Variants in MYT1L observed in about 807,000 individuals in gnomAD.
The protein encoded by MYT1L is myelin transcription factor 1-like protein.
In MYT1L, 12 loss-of-function variants were observed where a neutral mutation model predicts 126.7. The observed-to-expected ratio is 0.09, with a 90% confidence interval of 0.06 to 0.15. The LOEUF (loss-of-function observed/expected upper bound fraction) is 0.15, where lower values mean the gene tolerates loss of function less well. MYT1L is among the 10% of genes least tolerant of loss of function. The probability of loss-of-function intolerance (pLI) is 1.00; values close to 1 mark genes in which losing one functional copy is unlikely to be tolerated. For missense variants in MYT1L, 979 were observed against 1,585.2 expected, an observed-to-expected ratio of 0.62 and a Z score of 6.49; for synonymous variants, 541 against 604.2, an observed-to-expected ratio of 0.90 and a Z score of 1.53.
chr2:1,838,488 T>C (rs897275710), intron 21 of MYT1L, among the ~76,000 whole-genome samples: 6 of 152,092 alleles, frequency 3.9e-5, no homozygotes, highest in African/African-American at 1.2e-4. Flanking sequence ...ACATCGTACA[T>C]GTGATGTGTG....
chr2:2,065,842 A>ACACG (rs1419644939), intron 3 of MYT1L, among the ~76,000 whole-genome samples: 13 of 136,306 alleles, frequency 9.5e-5, no homozygotes, highest in Non-Finnish European at 1.8e-4. Context: ...ACACACACAC[A>ACACG]CACACGCACA....
At chr2:2,172,531 G>A (rs1219771529) in intron 3 of MYT1L, among the ~76,000 whole-genome samples, 2 of 152,268 alleles carry the variant, frequency 1.3e-5, no homozygotes, top group Admixed American at 6.5e-5. Context: ...GCACCAGGCA[G>A]CTAAGATGAA....
chr2:1,795,085 C>T (rs2033164483), intron 23 of MYT1L, among the ~76,000 whole-genome samples: 1 of 152,238 alleles, frequency 6.6e-6, no homozygotes, highest in African/African-American at 2.4e-5. Context: ...GGGCTTCTTG[C>T]ACGTGGACAC....
At chr2:2,087,977 G>A (rs1012578362) in intron 3 of MYT1L, among the ~76,000 whole-genome samples, 2 of 152,242 alleles carry the variant, frequency 1.3e-5, no homozygotes, top group Non-Finnish European at 2.9e-5. Context: ...CAGACTCTCT[G>A]AGCATGTTTC....
intron 2 of MYT1L, among the ~76,000 whole-genome samples, chr2:2,273,332 C>A (rs1228677214): frequency 6.6e-6 from 1 of 152,124 alleles, no homozygotes; most frequent in African/African-American, 2.4e-5. Flanking sequence ...CTAGAAATGA[C>A]CCCTGATAAA....
At chr2:1,920,539 C>T (rs899424850) in intron 10 of MYT1L, among the ~76,000 whole-genome samples, 11 of 152,162 alleles carry the variant, frequency 7.2e-5, no homozygotes, top group South Asian at 6.2e-4. Context: ...ACACAGCACA[C>T]GCTACATTAC....
At chr2:1,877,690 C>T (rs966138055) in intron 18 of MYT1L, among the ~76,000 whole-genome samples, 3 of 152,058 alleles carry the variant, frequency 2.0e-5, no homozygotes, top group Non-Finnish European at 1.5e-5. Context: ...GCAGGGGTTC[C>T]GGGCGCGGCC....
intron 9 of MYT1L, among the ~76,000 whole-genome samples, chr2:1,936,072 G>A (rs1183384561): frequency 6.6e-6 from 1 of 152,194 alleles, no homozygotes; most frequent in African/African-American, 2.4e-5. Context: ...GCAGGCATGT[G>A]CCACCACACC....
At chr2:2,298,632 G>A (rs1470952507) in intron 1 of MYT1L, among the ~76,000 whole-genome samples, 1 of 152,168 alleles carries the variant, frequency 6.6e-6, no homozygotes, top group Admixed American at 6.5e-5. Context: ...AGTTCTGGGA[G>A]GAGTAAAATA....
Position 1,811,816 on chromosome 2 carries a change from C to T in MYT1L, c.3081-2649G>A, listed in dbSNP as rs780631748. ...GGGGCCTGGGCAACAACCTGGCAGTCGTCCCCACTCCGGGGCACCCTCCTG... is the reference window on the plus strand; with the variant it reads ...GGGGCCTGGGCAACAACCTGGCAGTTGTCCCCACTCCGGGGCACCCTCCTG... On this transcript the variant is annotated intron_variant, in intron 21 of 24. Transcript: ENST00000647738. The surrounding 1 kb of genome is among the most constrained non-coding windows in gnomAD (Gnocchi z 4.4). Among the ~76,000 whole-genome samples the T allele has an allele frequency of 4.6e-5, 7 of 152,090 alleles. No individual in the cohort carries two copies. The highest frequency in any genetic ancestry group is 2.1e-4 in the South Asian group (1 of 4,820).
chr2:1,979,198 C>A lies in MYT1L; in HGVS notation c.119G>T (p.Gly40Val). The A allele has an allele frequency of 6.2e-7, 1 of 1,613,940 alleles. No homozygotes were observed. The highest frequency in any genetic ancestry group is 8.5e-7 in the Non-Finnish European group (1 of 1,179,928). The change falls in exon 8 of 25, where the codon GGT becomes GTT. Residue 40 changes from glycine (G) to valine (V), a missense_variant. Transcript: ENST00000647738. This position sits in a 1 kb window ranked among gnomAD's most constrained non-coding sequence, Gnocchi z 4.0. ...SCPTPGCDGS[G>V]HVSGKYARHR... ...TCTTGCATATTTGCCACTGACATGA[C>A]CACTGCCGTCACAGCCAGGGGTGGG...
chr2:2,076,477 A>G (rs140994855), intron 3 of MYT1L, among the ~76,000 whole-genome samples: 30 of 152,306 alleles, frequency 2.0e-4, no homozygotes, highest in African/African-American at 7.0e-4. Flanking sequence ...ACCCAGGCAT[A>G]ATACCTACAA....
intron 23 of MYT1L, among the ~76,000 whole-genome samples, chr2:1,796,816 C>T (rs1319513484): frequency 1.3e-5 from 2 of 152,130 alleles, no homozygotes; most frequent in Admixed American, 6.5e-5. Flanking sequence ...TGCTCCAGGC[C>T]CCCACGGTGG....
chr2:2,196,641 T>C (rs1038695054), intron 2 of MYT1L, among the ~76,000 whole-genome samples: 4 of 151,904 alleles, frequency 2.6e-5, no homozygotes, highest in African/African-American at 9.7e-5. Flanking sequence ...AGTTAAAGCA[T>C]TGGTAATTTC....
Position 2,059,438 on chromosome 2 carries a change from T to C in MYT1L, c.-303-5315A>G, listed in dbSNP as rs891993669. On this transcript the variant is annotated intron_variant, in intron 3 of 24. Transcript: ENST00000647738. The surrounding 1 kb of genome is among the most constrained non-coding windows in gnomAD (Gnocchi z 4.7). ...CAGCACCGCAGGAAGCACCCAATGG[T>C]CTCACTTTCCGTTTGTGTTGATGAG... Among the ~76,000 whole-genome samples the C allele has an allele frequency of 6.6e-6, 1 of 152,104 alleles. No homozygotes were observed. The highest frequency in any genetic ancestry group is 1.5e-5 in the Non-Finnish European group (1 of 68,018).
chr2:1,789,235 TTG>T lies in MYT1L; in HGVS notation c.*2630_*2631del, dbSNP rs2031604905. 3 of 152,232 alleles carry T rather than the reference TTG, an allele frequency of 2.0e-5. No individual in the cohort carries two copies. Among genetic ancestry groups the T allele is most frequent in the Admixed American group, 1.3e-4 (2 of 15,288 alleles). 9.4% of individuals were successfully genotyped at this position (152,232 alleles called of 1,614,324 possible). A position where few individuals can be genotyped will look rare whatever the true frequency, so the allele number is the denominator to read the frequency against. Reference sequence around the variant, plus strand: ...TTTAAAAATGAAGTATCACAGCAACTTGTGATTCCACACATTTATAGCAAAAT... The same window carrying T: ...TTTAAAAATGAAGTATCACAGCAACTTGATTCCACACATTTATAGCAAAAT... On this transcript the variant is annotated 3_prime_UTR_variant, in exon 25 of 25. Transcript: ENST00000647738.
intron 4 of MYT1L, among the ~76,000 whole-genome samples, chr2:2,004,353 G>T (rs190992636): frequency 3.4e-5 from 4 of 117,050 alleles, no homozygotes; most frequent in Non-Finnish European, 5.4e-5. Flanking sequence ...TTTCCTGCGT[G>T]CCTTCTTTCC....
chr2:1,815,412 C>A (rs1035174692), intron 21 of MYT1L, among the ~76,000 whole-genome samples: 1 of 152,232 alleles, frequency 6.6e-6, no homozygotes, highest in Non-Finnish European at 1.5e-5. Flanking sequence ...GTGGCTCTTG[C>A]CTCATGATGC....
At chr2:2,038,626 A>G (rs113575702) in intron 4 of MYT1L, among the ~76,000 whole-genome samples, 14 of 152,210 alleles carry the variant, frequency 9.2e-5, no homozygotes, top group African/African-American at 2.9e-4. Flanking sequence ...TTTTATGTGT[A>G]GTCATCAGTC....
Sources: gnomAD v4.1 joint callset for allele counts (sites outside exome capture counted in the v4.1 genomes callset) on GRCh38, gnomAD v4.1.1 for gene constraint, Gnocchi (gnomAD v3.1) non-coding constraint, MANE v1.5 for transcripts, NCBI Gene and HGNC (gene_info 2026-07-23, HGNC 2026-07-21) for gene names.